Variants in TNS1 observed in about 807,000 individuals in gnomAD.
TNS1 encodes tensin 1, also known as tensin-1.
Under a neutral mutation model 168.6 loss-of-function variants are expected in TNS1, and 62 were observed. That is an observed-to-expected ratio of 0.37 (90% CI 0.30 to 0.45). The LOEUF is 0.45. Ranked by LOEUF, TNS1 falls within the 20% of genes least tolerant of loss-of-function variation. The probability of loss-of-function intolerance (pLI) is 1.00; values close to 1 mark genes in which losing one functional copy is unlikely to be tolerated. For synonymous variants in TNS1, 934 were observed against 933.2 expected (o/e 1.00, Z -0.02); for missense variants, 2,240 against 2,339.4 (o/e 0.96, Z 0.88).
intron 11 of TNS1, among the ~76,000 whole-genome samples, chr2:217,891,323 G>A (rs13386667): frequency 0.011 from 1,651 of 152,270 alleles, 29 homozygotes; most frequent in African/African-American, 0.037. Flanking sequence ...TATGAGCCCC[G>A]TGTCCTGGTA....
In TNS1 at chr2:217,810,290, C is replaced by G. The variant is rs371630425; in HGVS notation, c.5062G>C (p.Gly1688Arg). The change falls in exon 29 of 33, where the codon GGC becomes CGC. Residue 1688 changes from glycine (G) to arginine (R), a missense_variant. This residue lies in a region of TNS1 where 2,131 missense variants were observed against 2,171.2 expected (regional missense o/e 0.98). Coordinates refer to ENST00000682258, the MANE Select transcript of TNS1 (RefSeq NM_001387777.1). ...DPTDESKDSS[G>R]PANSTADLLK... Reference sequence around the variant, plus strand: ...AGGTCTGCAGTTGAGTTGGCAGGGCCGGAGCTATCTTTCGATTCATCTGTG... The same window carrying G: ...AGGTCTGCAGTTGAGTTGGCAGGGCGGGAGCTATCTTTCGATTCATCTGTG... The G allele has an allele frequency of 1.2e-6, 2 of 1,614,082 alleles. No individual in the cohort carries two copies. Among genetic ancestry groups the G allele is most frequent in the Admixed American group, 3.3e-5 (2 of 60,022 alleles).
chr2:217,831,974 C>T (rs1028918752), intron 21 of TNS1, among the ~76,000 whole-genome samples: 3 of 149,382 alleles, frequency 2.0e-5, no homozygotes, highest in African/African-American at 7.4e-5. Context: ...CACACACAGA[C>T]ACACACAGTC....
intron 3 of TNS1, among the ~76,000 whole-genome samples, chr2:217,952,647 G>C (rs1440280398): frequency 6.6e-6 from 1 of 152,190 alleles, no homozygotes; most frequent in African/African-American, 2.4e-5. Context: ...TCTCCAACTC[G>C]GATGGCGTGG....
chr2:218,002,781 C>T (rs536223952), intron 1 of TNS1, 59 bp downstream of exon 1: 10 of 456,198 alleles, frequency 2.2e-5, no homozygotes, highest in Non-Finnish European at 3.5e-5. Flanking sequence ...TGGCAGGGGC[C>T]GGTGGGGGGC....
chr2:217,833,026 C>T (rs1441512284), intron 21 of TNS1, among the ~76,000 whole-genome samples: 6 of 152,170 alleles, frequency 3.9e-5, no homozygotes, highest in Admixed American at 1.3e-4. Context: ...TGCTCATAGA[C>T]GCTTATCAAA....
chr2:218,021,604 C>T (rs911181034), intron 1 of TNS1, among the ~76,000 whole-genome samples: 3 of 152,188 alleles, frequency 2.0e-5, no homozygotes, highest in African/African-American at 7.2e-5. Context: ...CAGGGTGGAT[C>T]CCGGCACCCC....
At chr2:217,965,869 C>T (rs35090855) in intron 3 of TNS1, among the ~76,000 whole-genome samples, 15,652 of 152,068 alleles carry the variant, frequency 0.1, 849 homozygotes, top group South Asian at 0.16. Flanking sequence ...TGAACTGGAC[C>T]TTCTGCCCTC....
intron 23 of TNS1, among the ~76,000 whole-genome samples, chr2:217,819,267 G>T (rs1449833080): frequency 9.2e-5 from 14 of 152,066 alleles, no homozygotes; most frequent in Non-Finnish European, 2.1e-4. Context: ...ACTCCTAGAT[G>T]GCTCCAAAAA....
At chr2:217,953,165 A>T (rs1957282309) in intron 3 of TNS1, among the ~76,000 whole-genome samples, 1 of 151,832 alleles carries the variant, frequency 6.6e-6, no homozygotes, top group Non-Finnish European at 1.5e-5. Context: ...GCAGTGAGGG[A>T]TCTGCAGGGC....
chr2:217,924,862 G>T (rs991143615), intron 3 of TNS1, among the ~76,000 whole-genome samples: 1 of 152,152 alleles, frequency 6.6e-6, no homozygotes, highest in Admixed American at 6.5e-5. Context: ...GGTGTCTGGC[G>T]CAGTGGTTAT....
In TNS1 at chr2:217,831,465, G is replaced by A; in HGVS notation, c.3363C>T (p.His1121=). 2 of 1,586,702 alleles carry A rather than the reference G, an allele frequency of 1.3e-6. No individual in the cohort carries two copies. Among genetic ancestry groups the A allele is most frequent in the Non-Finnish European group, 1.7e-6 (2 of 1,166,792 alleles). The part of the protein sequence containing the change: ...KPHNPADILL[H]PTGEPRSYVE... ...CTCTTCCCAACTCACCTCCTGTGGG[G>A]TGCAACAGGATGTCCGCTGGGTTGT... The change falls in exon 22 of 33, where the codon CAC becomes CAT. Residue 1121 remains histidine, a synonymous_variant. Coordinates refer to ENST00000682258, the MANE Select transcript of TNS1 (RefSeq NM_001387777.1).
At chr2:217,834,616 G>A (rs747086543) in intron 21 of TNS1, among the ~76,000 whole-genome samples, 1 of 152,188 alleles carries the variant, frequency 6.6e-6, no homozygotes, top group Non-Finnish European at 1.5e-5. Flanking sequence ...GATGAGCTGG[G>A]GGCTCTGTCA....
intron 18 of TNS1, among the ~76,000 whole-genome samples, chr2:217,854,529 AG>A (rs1947896412): frequency 1.3e-5 from 2 of 152,254 alleles, no homozygotes; most frequent in African/African-American, 4.8e-5. Flanking sequence ...GGGGAAAATC[AG>A]TGCCATGACA....
intron 18 of TNS1, among the ~76,000 whole-genome samples, chr2:217,875,265 A>C (rs867319539): frequency 6.6e-6 from 1 of 152,108 alleles, no homozygotes; most frequent in Admixed American, 6.5e-5. Context: ...CCCACTGAGA[A>C]GGTGGGATCA....
In TNS1 at chr2:217,880,815, A is replaced by G. The variant is rs1950605494; in HGVS notation, c.1429+83T>C. Reference sequence around the variant, plus strand: ...CCTCCTCTCGAACCCAGATCTCTTGAAAGCAGGCCAAGAGAAGCAAGGTCA... The same window carrying G: ...CCTCCTCTCGAACCCAGATCTCTTGGAAGCAGGCCAAGAGAAGCAAGGTCA... On this transcript the variant is annotated intron_variant, in intron 18 of 32. Transcript: ENST00000682258. The surrounding 1 kb of genome is among the most constrained non-coding windows in gnomAD (Gnocchi z 4.2). 9.3e-7 allele frequency: 1 copy of G among 1,078,598 alleles called. No individual in the cohort carries two copies. 66.8% of individuals were successfully genotyped at this position (1,078,598 alleles called of 1,614,324 possible).
At chr2:217,838,217 G>T (rs1355649969) in intron 19 of TNS1, among the ~76,000 whole-genome samples, 2 of 152,140 alleles carry the variant, frequency 1.3e-5, no homozygotes, top group African/African-American at 2.4e-5. Flanking sequence ...TCCCTGCTTG[G>T]GGATCTGACG....
Position 217,808,066 on chromosome 2 carries a change from C to T in TNS1, c.5375+9G>A, listed in dbSNP as rs1939535811. The T allele has an allele frequency of 6.2e-7, 1 of 1,613,160 alleles. No homozygotes were observed. Among genetic ancestry groups the T allele is most frequent in the African/African-American group, 1.3e-5 (1 of 74,920 alleles). On this transcript the variant is annotated intron_variant, in intron 32 of 32. Transcript: ENST00000682258. ...AGCCTGCTGGGCAGGGGTAAGAAGT[C>T]ACACTTACTTAGCAGGGGCACCACC... is the stretch of plus-strand genomic sequence containing the variant.
Position 217,854,315 on chromosome 2 carries a change from A to G in TNS1, c.1430-5228T>C, listed in dbSNP as rs377470992. Among the ~76,000 whole-genome samples, 6 of 152,356 alleles carry G rather than the reference A, an allele frequency of 3.9e-5. No individual in the cohort carries two copies. In the East Asian group the frequency reaches 1.2e-3, roughly 29 times the overall value. ...AAAAGGTGCCAGCCATATTGACTGC[A>G]AGAAAGGAGTCACCTTCATTGGCAA... On this transcript the variant is annotated intron_variant, in intron 18 of 32. Coordinates refer to ENST00000682258, the MANE Select transcript of TNS1 (RefSeq NM_001387777.1).
chr2:217,849,686 G>A (rs967033751), intron 18 of TNS1: 13 of 985,314 alleles, frequency 1.3e-5, no homozygotes, highest in African/African-American at 5.2e-5. Flanking sequence ...CCCCTGCTTC[G>A]ATGTCTGGAG....
Sources: gnomAD v4.1 joint callset for allele counts (sites outside exome capture counted in the v4.1 genomes callset) on GRCh38, gnomAD v4.1.1 for gene constraint, gnomAD v4.1.1 regional missense constraint, Gnocchi (gnomAD v3.1) non-coding constraint, MANE v1.5 for transcripts, NCBI Gene and HGNC (gene_info 2026-07-23, HGNC 2026-07-21) for gene names.